The following OXSR1 variants were observed in gnomAD, a reference collection of about 807,000 sequenced individuals.
OXSR1 encodes oxidative stress responsive kinase 1.
In OXSR1, 24 loss-of-function variants were observed where a neutral mutation model predicts 79.8. The observed-to-expected ratio is 0.30, with a 90% CI of 0.22 to 0.42. OXSR1 has a LOEUF of 0.42. Ranked by LOEUF, OXSR1 falls within the 10% of genes least tolerant of loss-of-function variation. The pLI, the probability that OXSR1 is intolerant of heterozygous loss-of-function variation, is 1.00. For synonymous variants in OXSR1, 226 were observed against 209.2 expected, an observed-to-expected ratio of 1.08 and a Z score of -0.69; for missense variants, 430 against 618.4, an observed-to-expected ratio of 0.70 and a Z score of 3.23.
In OXSR1 at chr3:38,253,872, C is replaced by T. The variant is rs1703308789; in HGVS notation, c.*981C>T. On this transcript the variant is annotated 3_prime_UTR_variant, in exon 18 of 18. Transcript: ENST00000311806. ...GCCAGAGAGGCCTGCCTTCTGCCTG[C>T]TCTCCTGCACTGACCCTTTGGAGGG... 1 of 263,514 alleles carries T rather than the reference C, an allele frequency of 3.8e-6. No homozygotes were observed. The highest frequency in any genetic ancestry group is 7.1e-6 in the Non-Finnish European group (1 of 140,824). The allele number at this position is 263,514 out of a possible 1,614,324, so 16.3% of individuals were successfully genotyped here. A position where few individuals can be genotyped will look rare whatever the true frequency, so the allele number is the denominator to read the frequency against.
intron 8 of OXSR1, 124 bp from the exon 9 acceptor site, chr3:38,229,563 A>G: frequency 3.0e-6 from 2 of 665,576 alleles, no homozygotes; most frequent in Non-Finnish European, 2.6e-6. Flanking sequence ...GTTTAAGGAA[A>G]GTAGAGTATA....
intron 8 of OXSR1, among the ~76,000 whole-genome samples, chr3:38,228,889 A>C (rs1481994424): frequency 6.6e-6 from 1 of 152,082 alleles, no homozygotes; most frequent in African/African-American, 2.4e-5. Context: ...GGATTTTTAC[A>C]TTCTTCCCAG....
chr3:38,231,491 G>T (rs1436317841), intron 10 of OXSR1, among the ~76,000 whole-genome samples: 1 of 151,988 alleles, frequency 6.6e-6, no homozygotes, highest in Non-Finnish European at 1.5e-5. Flanking sequence ...CTACTCAATT[G>T]GCCTTTCCTC....
chr3:38,241,283 G>A (rs991351432), intron 11 of OXSR1, among the ~76,000 whole-genome samples: 2 of 152,144 alleles, frequency 1.3e-5, no homozygotes, highest in Non-Finnish European at 2.9e-5. Context: ...CCCCATGTAT[G>A]TGGTGGGAGT....
intron 6 of OXSR1, among the ~76,000 whole-genome samples, chr3:38,223,135 TTTTG>T (rs1702621242): frequency 6.6e-6 from 1 of 152,176 alleles, no homozygotes; most frequent in Non-Finnish European, 1.5e-5. Context: ...GAGGTAGCTT[TTTTG>T]TTTGTTTATT....
chr3:38,209,969 A>G (rs1187350169), intron 4 of OXSR1, among the ~76,000 whole-genome samples: 5 of 152,108 alleles, frequency 3.3e-5, no homozygotes, highest in Non-Finnish European at 7.4e-5. Context: ...GCTCACTGCA[A>G]AGTCCCTCAG....
chr3:38,245,393 T>C (rs1478688500), intron 12 of OXSR1, among the ~76,000 whole-genome samples: 1 of 152,200 alleles, frequency 6.6e-6, no homozygotes, highest in Non-Finnish European at 1.5e-5. Context: ...AAATATCTTT[T>C]TTTAGTTTTA....
At chr3:38,165,433 C>A, upstream of OXSR1, 1 of 185,000 alleles carries the variant, frequency 5.4e-6, no homozygotes, top group Non-Finnish European at 1.1e-5. Context: ...TTACATCCAG[C>A]CACACTGGAG....
intron 12 of OXSR1, among the ~76,000 whole-genome samples, chr3:38,244,960 T>C (rs1703111131): frequency 1.3e-5 from 2 of 152,174 alleles, no homozygotes; most frequent in African/African-American, 4.8e-5. Context: ...TTTAAAAATA[T>C]ATCCTTTCCA....
At chr3:38,170,034 C>T (rs1701547799) in intron 1 of OXSR1, among the ~76,000 whole-genome samples, 1 of 151,534 alleles carries the variant, frequency 6.6e-6, no homozygotes, top group Non-Finnish European at 1.5e-5. Flanking sequence ...GCTTAGCCTT[C>T]TTTAATTTTA....
chr3:38,251,436 C>A lies in OXSR1; in HGVS notation c.1409C>A (p.Ser470Tyr). The A allele has an allele frequency of 6.2e-7, 1 of 1,613,522 alleles. No homozygotes were observed. The highest frequency in any genetic ancestry group is 8.5e-7 in the Non-Finnish European group (1 of 1,179,522). The change falls in exon 16 of 18, where the codon TCT becomes TAT. Residue 470 changes from serine to tyrosine, a missense_variant. By Grantham distance (144) the Ser-to-Tyr change is moderately radical (BLOSUM62 -2). Around this residue, in one of 3 missense-constraint regions of OXSR1, gnomAD observed 276 missense variants for 354.2 expected, o/e 0.78. Transcript: ENST00000311806. ...GAGGGTGTCTCTCAGGAACTCATTTCTGCTGGCCTGGTCGACGGAAGGGAT... is the reference window on the plus strand; with the variant it reads ...GAGGGTGTCTCTCAGGAACTCATTTATGCTGGCCTGGTCGACGGAAGGGAT... ...TAEGVSQELISAGLVDGRDLV... is the reference protein window; with the variant it reads ...TAEGVSQELIYAGLVDGRDLV...
intron 11 of OXSR1, among the ~76,000 whole-genome samples, chr3:38,240,391 A>G (rs991431154): frequency 2.0e-5 from 3 of 152,118 alleles, no homozygotes; most frequent in Non-Finnish European, 4.4e-5. Context: ...TCCTGTGGCA[A>G]TGGGTTTGAA....
intron 6 of OXSR1, among the ~76,000 whole-genome samples, chr3:38,223,604 G>A (rs1380179109): frequency 2.0e-5 from 3 of 151,666 alleles, no homozygotes; most frequent in Middle Eastern, 3.4e-3. Flanking sequence ...CACCGTGCCC[G>A]GCTAATTTTG....
chr3:38,231,534 C>G (rs1156848012), intron 10 of OXSR1, among the ~76,000 whole-genome samples: 1 of 151,980 alleles, frequency 6.6e-6, no homozygotes, highest in African/African-American at 2.4e-5. Context: ...AAAACAGTAC[C>G]CTCCCATGAC....
intron 5 of OXSR1, among the ~76,000 whole-genome samples, chr3:38,218,306 C>T (rs186895510): frequency 1.3e-4 from 20 of 151,674 alleles, no homozygotes; most frequent in Admixed American, 5.9e-4. Flanking sequence ...ACATCCTCAC[C>T]AACGCTTGTT....
In OXSR1 at chr3:38,183,158, A is replaced by T. The variant is rs773710506; in HGVS notation, c.183+43A>T. ...TTCTGAAATGGAGAGATATACTCATATATTCACATTACAATGGGAAATAAC... is the reference window on the plus strand; with the variant it reads ...TTCTGAAATGGAGAGATATACTCATTTATTCACATTACAATGGGAAATAAC... On this transcript the variant is annotated intron_variant, in intron 2 of 17. Transcript: ENST00000311806. The T allele has an allele frequency of 9.2e-6, 9 of 974,660 alleles. No homozygotes were observed. In the East Asian group the frequency reaches 2.1e-4, roughly 23 times the overall value. 60.4% of individuals were successfully genotyped at this position (974,660 alleles called of 1,614,324 possible). A position where few individuals can be genotyped will look rare whatever the true frequency, so the allele number is the denominator to read the frequency against.
At chr3:38,164,527 G>A (rs1255131580), upstream of OXSR1, among the ~76,000 whole-genome samples, 1 of 152,144 alleles carries the variant, frequency 6.6e-6, no homozygotes, top group Non-Finnish European at 1.5e-5. Context: ...TATCCCTGTT[G>A]GATGCTCATT....
chr3:38,165,822 G>A lies in OXSR1; in HGVS notation c.-55G>A, dbSNP rs1488827259. 2 of 1,460,268 alleles carry A rather than the reference G, an allele frequency of 1.4e-6. No individual in the cohort carries two copies. The highest frequency in any genetic ancestry group is 1.9e-6 in the Non-Finnish European group (2 of 1,056,822). The allele number at this position is 1,460,268 out of a possible 1,614,324, so 90.5% of individuals were successfully genotyped here. ...TTGGGGGTGGGGAGACGCGCGGCGAGGAGACGAGCGAGGTCAGCGAGTTTG... is the reference window on the plus strand; with the variant it reads ...TTGGGGGTGGGGAGACGCGCGGCGAAGAGACGAGCGAGGTCAGCGAGTTTG... On this transcript the variant is annotated 5_prime_UTR_variant, in exon 1 of 18. Transcript: ENST00000311806.
rs750772547 is a variant in OXSR1 at position 38,255,372 on chromosome 3, G to A, written c.*2481G>A. ...CCAATAAGTGGAGATTCCTCCTTAT[G>A]ATGTATGCTAGGTTATGGAAGATGT... On this transcript the variant is annotated 3_prime_UTR_variant, in exon 18 of 18. Coordinates refer to ENST00000311806, the MANE Select transcript of OXSR1 (RefSeq NM_005109.3). The A allele has an allele frequency of 6.6e-6, 1 of 152,656 alleles. No homozygotes were observed. Among genetic ancestry groups the A allele is most frequent in the African/African-American group, 2.4e-5 (1 of 41,466 alleles). 9.5% of individuals were successfully genotyped at this position (152,656 alleles called of 1,614,324 possible).
Sources: allele counts gnomAD v4.1 joint callset (sites outside exome capture counted in the v4.1 genomes callset), GRCh38; gene constraint gnomAD v4.1.1; regional missense constraint gnomAD v4.1.1; transcripts MANE v1.5; gene names NCBI Gene and HGNC (gene_info 2026-07-23, HGNC 2026-07-21).